Variants in ZCCHC17 observed in about 807,000 individuals in gnomAD.
ZCCHC17 encodes zinc finger CCHC domain-containing protein 17.
Under a neutral mutation model 30.6 loss-of-function variants are expected in ZCCHC17, and 18 were observed. The observed-to-expected ratio is 0.59, with a 90% CI of 0.41 to 0.87. The LOEUF (loss-of-function observed/expected upper bound fraction) is 0.87. Ranked by LOEUF, ZCCHC17 falls within the 40% of genes least tolerant of loss-of-function variation. ZCCHC17 has a pLI of 0.00. For synonymous variants in ZCCHC17, 88 were observed against 92.4 expected, an observed-to-expected ratio of 0.95 and a Z score of 0.27; for missense variants, 263 against 284.2, an observed-to-expected ratio of 0.93 and a Z score of 0.54.
chr1:31,311,167 C>A (rs914026308), intron 2 of ZCCHC17, among the ~76,000 whole-genome samples: 9 of 152,168 alleles, frequency 5.9e-5, no homozygotes, highest in African/African-American at 2.2e-4. Context: ...TTAAGTGATA[C>A]TCCCACTTCA....
chr1:31,305,113 T>C (rs1187673745), intron 1 of ZCCHC17, among the ~76,000 whole-genome samples: 1 of 152,156 alleles, frequency 6.6e-6, no homozygotes, highest in East Asian at 1.9e-4. Context: ...GAGGAGAGGC[T>C]TCTACCCAAC....
At chr1:31,343,710 A>G (rs1423331140) in intron 5 of ZCCHC17, among the ~76,000 whole-genome samples, 2 of 146,254 alleles carry the variant, frequency 1.4e-5, no homozygotes, top group Non-Finnish European at 3.0e-5. Flanking sequence ...TTTTTTTGAG[A>G]CAGGGTCTTT....
intron 3 of ZCCHC17, among the ~76,000 whole-genome samples, chr1:31,327,368 G>A (rs1294504643): frequency 6.6e-6 from 1 of 152,198 alleles, no homozygotes. Flanking sequence ...ACCTACTTAG[G>A]TTTGAGACTT....
chr1:31,346,660 G>A lies in ZCCHC17; in HGVS notation c.338G>A (p.Arg113Gln), dbSNP rs756086562. The A allele has an allele frequency of 2.5e-5, 41 of 1,612,070 alleles. No individual in the cohort carries two copies. In the East Asian group the frequency reaches 4.7e-4, roughly 18 times the overall value. ...VIIEQEERRR[R>Q]SFQDYTGQKI... is the part of the protein sequence containing the mutation. ...TATAGGCAAGAAGAGAGGCGGAGGC[G>A]ATCCTTCCAGGATTACACTGGGCAG... Residue 113 changes from arginine (R) to glutamine (Q), a missense_variant, in exon 6 of 8, where the codon CGA becomes CAA. Arg to Gln is a conservative substitution (Grantham distance 43, BLOSUM62 1). Transcript: ENST00000344147.
intron 3 of ZCCHC17, among the ~76,000 whole-genome samples, chr1:31,322,558 C>T (rs1026246123): frequency 2.6e-5 from 4 of 152,194 alleles, no homozygotes; most frequent in Non-Finnish European, 5.9e-5. Context: ...GTGTCACCCT[C>T]TTGGCACATG....
intron 3 of ZCCHC17, among the ~76,000 whole-genome samples, chr1:31,323,902 G>T (rs1026580219): frequency 1.3e-5 from 2 of 152,162 alleles, no homozygotes; most frequent in Non-Finnish European, 2.9e-5. Context: ...ATTCTTTGAA[G>T]AATTTAGTGT....
At chr1:31,323,265 CA>C (rs1646902744) in intron 3 of ZCCHC17, among the ~76,000 whole-genome samples, 1 of 152,080 alleles carries the variant, frequency 6.6e-6, no homozygotes, top group Non-Finnish European at 1.5e-5. Flanking sequence ...TATAGTTTTC[CA>C]AAATGTCACC....
intron 7 of ZCCHC17, among the ~76,000 whole-genome samples, chr1:31,349,569 G>T (rs1017269640): frequency 2.0e-5 from 3 of 152,150 alleles, no homozygotes; most frequent in Non-Finnish European, 4.4e-5. Context: ...CTGGCCTCAA[G>T]TGATCTACCC....
rs928353890 is a variant in ZCCHC17 at position 31,362,775 on chromosome 1, T to A, written c.565-1257T>A. 2.6e-5 allele frequency among the ~76,000 whole-genome samples: 4 copies of A among 152,364 alleles called. No individual in the cohort carries two copies. The East Asian group carries it at 7.7e-4, about 29-fold the overall frequency. On this transcript the variant is annotated intron_variant, in intron 7 of 7. Transcript: ENST00000344147. The stretch of plus-strand genomic sequence containing the variant: ...GGATATGTGAGTCACTGTTTCTAGA[T>A]AGACTGGCTAGTCTTTAGGGGCGCC...
In ZCCHC17 at chr1:31,364,459, C is replaced by A; in HGVS notation, c.*266C>A. The A allele has an allele frequency of 2.0e-6, 1 of 498,330 alleles. No homozygotes were observed. The allele number at this position is 498,330 out of a possible 1,614,324, so 30.9% of individuals were successfully genotyped here. A position where few individuals can be genotyped will look rare whatever the true frequency, so the allele number is the denominator to read the frequency against. On this transcript the variant is annotated 3_prime_UTR_variant, in exon 8 of 8. Coordinates refer to ENST00000344147, the MANE Select transcript of ZCCHC17 (RefSeq NM_016505.4). The stretch of plus-strand genomic sequence containing the variant: ...ACCCATTCATTCACCCAACTTCCTT[C>A]ATTCAGCAGGAGGTCCTATTACCCT...
chr1:31,364,898 A>G lies in ZCCHC17; in HGVS notation c.*705A>G, dbSNP rs1474726941. On this transcript the variant is annotated 3_prime_UTR_variant, in exon 8 of 8. Coordinates refer to ENST00000344147, the MANE Select transcript of ZCCHC17 (RefSeq NM_016505.4). ...TTGATTCTACTTCAGGTCCTTGCTT[A>G]AATTCCTGTCACTAAATGGAAATGT... is the stretch of plus-strand genomic sequence containing the variant. 1.3e-5 allele frequency: 2 copies of G among 152,242 alleles called. No homozygotes were observed. The highest frequency in any genetic ancestry group is 6.5e-5 in the Admixed American group (1 of 15,282). 9.4% of individuals were successfully genotyped at this position (152,242 alleles called of 1,614,324 possible).
At chr1:31,348,021 C>T (rs1204146607) in intron 6 of ZCCHC17, among the ~76,000 whole-genome samples, 6 of 33,640 alleles carry the variant, frequency 1.8e-4, no homozygotes, top group Non-Finnish European at 5.1e-4. Flanking sequence ...AAGGGCCCCT[C>T]AGTACCACTA....
intron 3 of ZCCHC17, among the ~76,000 whole-genome samples, chr1:31,321,496 A>T (rs560326985): frequency 1.5e-4 from 23 of 152,262 alleles, no homozygotes; most frequent in African/African-American, 5.3e-4. Flanking sequence ...TTTTTTTGAG[A>T]CAGAGTCTTG....
intron 5 of ZCCHC17, among the ~76,000 whole-genome samples, chr1:31,341,755 A>G (rs1011768220): frequency 1.3e-5 from 2 of 152,206 alleles, no homozygotes; most frequent in Non-Finnish European, 2.9e-5. Flanking sequence ...ATAAAAGGAG[A>G]CAGTAACATA....
intron 6 of ZCCHC17, among the ~76,000 whole-genome samples, chr1:31,347,950 CT>C (rs1165817404): frequency 1.3e-5 from 2 of 152,136 alleles, no homozygotes; most frequent in African/African-American, 4.8e-5. Context: ...CTCTGTGCCC[CT>C]AAGACAGGAT....
At chr1:31,348,718 A>G (rs779789232) in intron 6 of ZCCHC17, 111 bp from the exon 7 acceptor site, 4 of 1,330,658 alleles carry the variant, frequency 3.0e-6, no homozygotes, top group Non-Finnish European at 3.2e-6. Flanking sequence ...AATGAACTCA[A>G]CAATATTTCC....
chr1:31,363,129 T>A (rs1159306859), intron 7 of ZCCHC17, among the ~76,000 whole-genome samples: 1 of 152,176 alleles, frequency 6.6e-6, no homozygotes, highest in Non-Finnish European at 1.5e-5. Context: ...GTTTTAGCTA[T>A]TTTTTTCTTG....
chr1:31,320,899 C>T (rs1646844494), intron 3 of ZCCHC17, among the ~76,000 whole-genome samples: 1 of 152,152 alleles, frequency 6.6e-6, no homozygotes, highest in Admixed American at 6.5e-5. Flanking sequence ...ACATTCCTAC[C>T]AGCAATGTAT....
chr1:31,364,065 T>A lies in ZCCHC17; in HGVS notation c.598T>A (p.Ser200Thr). The change falls in exon 8 of 8, where the codon TCA becomes ACA. Residue 200 changes from serine (S) to threonine (T), a missense_variant. Ser to Thr is a moderately conservative substitution (Grantham distance 58, BLOSUM62 1). Coordinates refer to ENST00000344147, the MANE Select transcript of ZCCHC17 (RefSeq NM_016505.4). ...KKKKKHRDRK[S>T]SDSDSSDSES... Reference sequence around the variant, plus strand: ...GAAAAAGAAACATAGAGATAGGAAGTCATCTGACTCTGACAGCTCAGACTC... The same window carrying A: ...GAAAAAGAAACATAGAGATAGGAAGACATCTGACTCTGACAGCTCAGACTC... 6.2e-7 allele frequency: 1 copy of A among 1,613,564 alleles called. No homozygotes were observed. The highest frequency in any genetic ancestry group is 8.5e-7 in the Non-Finnish European group (1 of 1,179,794).
Sources: gnomAD v4.1 joint callset for allele counts (sites outside exome capture counted in the v4.1 genomes callset) on GRCh38, gnomAD v4.1.1 for gene constraint, MANE v1.5 for transcripts, NCBI Gene and HGNC (gene_info 2026-07-23, HGNC 2026-07-21) for gene names.